TUSC3: variants seen among roughly 807,000 people sequenced by gnomAD.
TUSC3 encodes the protein tumor suppressor candidate 3, also known as dolichyl-diphosphooligosaccharide--protein glycosyltransferase subunit TUSC3.
In TUSC3, 45 loss-of-function variants were observed where a neutral mutation model predicts 44.8. That is an observed-to-expected ratio of 1.00 (90% CI 0.79 to 1.29). TUSC3 has a LOEUF of 1.29. Ranked by LOEUF, TUSC3 falls within the 50% of genes most tolerant of loss-of-function variation. TUSC3 has a pLI of 0.00. For synonymous variants in TUSC3, 212 were observed against 152.9 expected (o/e 1.39, Z -2.85); for missense variants, 519 against 437.9 (o/e 1.19, Z -1.65).
chr8:15,757,970 T>C (rs1487282645), intron 10 of TUSC3, 115 bp downstream of exon 10: 25 of 1,495,096 alleles, frequency 1.7e-5, no homozygotes, highest in Non-Finnish European at 2.1e-5. Flanking sequence ...AAATGTAAGA[T>C]AACTTTTAAC....
intron 6 of TUSC3, among the ~76,000 whole-genome samples, chr8:15,690,857 G>A (rs1334694952): frequency 1.3e-5 from 2 of 151,646 alleles, no homozygotes; most frequent in African/African-American, 4.8e-5. Flanking sequence ...CCATTGGTCT[G>A]TGTGTCTATA....
intron 1 of TUSC3, among the ~76,000 whole-genome samples, chr8:15,476,982 C>T (rs1002392364): frequency 3.9e-5 from 6 of 152,244 alleles, no homozygotes; most frequent in Admixed American, 6.5e-5. Flanking sequence ...TCTATGCACA[C>T]GAAGAGTTGG....
chr8:15,763,064 T>A, intron 10 of TUSC3, among the ~76,000 whole-genome samples: 1 of 152,074 alleles, frequency 6.6e-6, no homozygotes, highest in Non-Finnish European at 1.5e-5. Context: ...TTTTCTAGTT[T>A]GTATTGTACT....
At chr8:15,792,064 T>A in the TUSC3 span, among the ~76,000 whole-genome samples, 1 of 152,124 alleles carries the variant, frequency 6.6e-6, no homozygotes, top group African/African-American at 2.4e-5. Context: ...GATGTCTGTT[T>A]GCCAGCTTGA....
At chr8:15,848,355 G>A in the TUSC3 span, among the ~76,000 whole-genome samples, 1,006 of 152,298 alleles carry the variant, frequency 6.6e-3, 6 homozygotes, top group Non-Finnish European at 8.8e-3. Context: ...CAGAGGAGCT[G>A]GTTGGAACAG....
chr8:15,737,222 A>G (rs1229505816), intron 7 of TUSC3, among the ~76,000 whole-genome samples: 1 of 152,106 alleles, frequency 6.6e-6, no homozygotes, highest in Non-Finnish European at 1.5e-5. Context: ...TTAGATTTAG[A>G]ATTCTTTAAG....
At chr8:15,434,318 C>T (rs752289172) in intron 1 of TUSC3, among the ~76,000 whole-genome samples, 1 of 152,082 alleles carries the variant, frequency 6.6e-6, no homozygotes, top group African/African-American at 2.4e-5. Flanking sequence ...AGCAGTAAAA[C>T]TTCTTTAAGT....
chr8:15,581,737 C>CAT (rs1803354791), intron 1 of TUSC3, among the ~76,000 whole-genome samples: 1 of 132,470 alleles, frequency 7.5e-6, no homozygotes, highest in African/African-American at 2.7e-5. Flanking sequence ...CAGACAGGGA[C>CAT]CCTTAAGTCT....
chr8:15,539,050 A>C (rs1043477877), upstream of TUSC3, among the ~76,000 whole-genome samples: 2 of 151,074 alleles, frequency 1.3e-5, no homozygotes, highest in African/African-American at 2.4e-5. Context: ...ACAAGGTCTC[A>C]CTATCTTGCC....
At chr8:15,429,019 G>A (rs1217337678) in intron 1 of TUSC3, among the ~76,000 whole-genome samples, 4 of 152,158 alleles carry the variant, frequency 2.6e-5, no homozygotes, top group African/African-American at 9.7e-5. Context: ...CATTGCTTTG[G>A]TGTTGTAGAC....
intron 6 of TUSC3, among the ~76,000 whole-genome samples, chr8:15,693,806 A>G (rs1011911161): frequency 2.0e-5 from 3 of 152,012 alleles, no homozygotes; most frequent in South Asian, 2.1e-4. Flanking sequence ...TTCCCTTTAC[A>G]TAGTCCCATA....
intron 2 of TUSC3, among the ~76,000 whole-genome samples, chr8:15,524,037 A>T (rs1801340073): frequency 7.0e-6 from 1 of 143,162 alleles, no homozygotes; most frequent in Non-Finnish European, 1.5e-5. Flanking sequence ...GCTTGGCAAC[A>T]GACAGAGTGA....
chr8:15,851,591 C>A, the TUSC3 span, among the ~76,000 whole-genome samples: 1 of 152,122 alleles, frequency 6.6e-6, no homozygotes, highest in African/African-American at 2.4e-5. Context: ...AGCGTCATGG[C>A]GAGGGACTGA....
At chr8:15,526,821 G>A (rs772552718) in intron 2 of TUSC3, among the ~76,000 whole-genome samples, 17 of 152,186 alleles carry the variant, frequency 1.1e-4, no homozygotes, top group Non-Finnish European at 2.5e-4. Flanking sequence ...TGAAGTCTCA[G>A]TGTTGAGGGA....
intron 1 of TUSC3, among the ~76,000 whole-genome samples, chr8:15,558,053 T>C (rs1200285637): frequency 1.9e-5 from 1 of 51,984 alleles, no homozygotes; most frequent in Non-Finnish European, 4.1e-5. Flanking sequence ...TGAATAGGAG[T>C]GGTGAGAGAG....
At chr8:15,445,859 C>T (rs1205336958) in intron 1 of TUSC3, among the ~76,000 whole-genome samples, 11 of 152,106 alleles carry the variant, frequency 7.2e-5, no homozygotes, top group African/African-American at 1.2e-4. Context: ...GACGGGGTGG[C>T]GGCCGGGCAG....
intron 1 of TUSC3, among the ~76,000 whole-genome samples, chr8:15,473,995 A>G (rs1315091701): frequency 6.6e-6 from 1 of 152,130 alleles, no homozygotes; most frequent in Non-Finnish European, 1.5e-5. Context: ...TATCTCAACC[A>G]CTTAAGACCG....
chr8:15,699,703 A>T (rs1339251172), intron 6 of TUSC3, among the ~76,000 whole-genome samples: 1 of 152,198 alleles, frequency 6.6e-6, no homozygotes, highest in Non-Finnish European at 1.5e-5. Context: ...AAGCCATTGG[A>T]ATACTTTGTT....
the TUSC3 span, among the ~76,000 whole-genome samples, chr8:15,833,817 C>A: frequency 2.6e-3 from 379 of 147,082 alleles, no homozygotes; most frequent in Admixed American, 5.8e-3. Flanking sequence ...AACAAACATG[C>A]ACATGTACCC....
Sources: allele counts gnomAD v4.1 joint callset (sites outside exome capture counted in the v4.1 genomes callset), GRCh38; gene constraint gnomAD v4.1.1; transcripts MANE v1.5; gene names NCBI Gene and HGNC (gene_info 2026-07-23, HGNC 2026-07-21).